MAD1L1: variants seen among roughly 807,000 people sequenced by gnomAD.
MAD1L1 encodes mitotic spindle assembly checkpoint protein MAD1.
In MAD1L1, 95 loss-of-function variants were observed where a neutral mutation model predicts 96.9. That is an observed-to-expected ratio of 0.98 (90% CI 0.83 to 1.16). The LOEUF is 1.16. Among genes scored for constraint, MAD1L1 ranks in the 50% most tolerant of loss-of-function variants. MAD1L1 has a pLI of 0.00. For missense variants in MAD1L1, 1,007 were observed against 954.4 expected (o/e 1.06, Z -0.73); for synonymous variants, 473 against 396.6 (o/e 1.19, Z -2.29).
intron 15 of MAD1L1, among the ~76,000 whole-genome samples, chr7:1,969,595 C>G (rs1030685908): frequency 6.6e-6 from 1 of 152,192 alleles, no homozygotes; most frequent in Non-Finnish European, 1.5e-5. Flanking sequence ...TCTCTCTTTG[C>G]AGATGCCAGG....
At chr7:2,067,623 AACCACCGCAGTGGTCAGCCCG>A (rs1784939215) in intron 12 of MAD1L1, among the ~76,000 whole-genome samples, 2 of 142,076 alleles carry the variant, frequency 1.4e-5, no homozygotes, top group African/African-American at 6.2e-5. Context: ...GGTCAGCCCG[AACCACCGCAGTGGTCAGCCCG>A]CGTGCTGTGG....
intron 18 of MAD1L1, among the ~76,000 whole-genome samples, chr7:1,839,283 G>T (rs532695886): frequency 6.6e-5 from 10 of 152,020 alleles, no homozygotes; most frequent in Non-Finnish European, 1.2e-4. Flanking sequence ...CCCCACCCAG[G>T]ACAGACACTC....
At chr7:2,084,200 T>A (rs1016594179) in intron 11 of MAD1L1, among the ~76,000 whole-genome samples, 2 of 152,200 alleles carry the variant, frequency 1.3e-5, no homozygotes, top group Non-Finnish European at 2.9e-5. Flanking sequence ...ACAATGGAAG[T>A]TTCTGCGTAT....
intron 10 of MAD1L1, among the ~76,000 whole-genome samples, chr7:2,209,507 C>A (rs1792784885): frequency 6.6e-6 from 1 of 152,214 alleles, no homozygotes. Context: ...TGAAGGCAGT[C>A]AGGAACAGTG....
At chr7:1,904,235 C>G (rs1787470431) in intron 17 of MAD1L1, among the ~76,000 whole-genome samples, 1 of 147,442 alleles carries the variant, frequency 6.8e-6, no homozygotes, top group South Asian at 2.1e-4. Flanking sequence ...TGAAGAAGCT[C>G]TTGCGGAACT....
intron 18 of MAD1L1, chr7:1,817,311 A>AC (rs982534039): frequency 1.3e-5 from 2 of 152,064 alleles, no homozygotes; most frequent in African/African-American, 4.8e-5. Context: ...TGGGCCCAGC[A>AC]CCCGCCCGGG....
intron 12 of MAD1L1, among the ~76,000 whole-genome samples, chr7:2,043,846 G>A (rs1783801991): frequency 6.6e-6 from 1 of 152,256 alleles, no homozygotes; most frequent in Non-Finnish European, 1.5e-5. Context: ...TGGGCCCAGG[G>A]CTACTGAACA....
At chr7:2,164,484 G>A (rs1790322857) in intron 10 of MAD1L1, among the ~76,000 whole-genome samples, 1 of 151,838 alleles carries the variant, frequency 6.6e-6, no homozygotes, top group Admixed American at 6.6e-5. Context: ...CATCGCCCGA[G>A]CAGGGGCAGA....
intron 18 of MAD1L1, among the ~76,000 whole-genome samples, chr7:1,851,075 A>G (rs1783948171): frequency 6.6e-6 from 1 of 152,174 alleles, no homozygotes; most frequent in Admixed American, 6.5e-5. Context: ...GGAGGGCAGG[A>G]AGTAAGCCCA....
At chr7:1,863,365 C>T (rs1438314476) in intron 18 of MAD1L1, among the ~76,000 whole-genome samples, 1 of 152,238 alleles carries the variant, frequency 6.6e-6, no homozygotes, top group Admixed American at 6.5e-5. Context: ...AAGGCAGCTA[C>T]CGGCAGGCCC....
At chr7:1,928,384 C>G (rs1359364688) in intron 17 of MAD1L1, among the ~76,000 whole-genome samples, 1 of 150,314 alleles carries the variant, frequency 6.7e-6, no homozygotes, top group Non-Finnish European at 1.5e-5. Flanking sequence ...CACCACCCAC[C>G]AGTCCCTAGA....
Position 1,987,516 on chromosome 7 carries a change from A to G in MAD1L1, c.1417-6975T>C, listed in dbSNP as rs139142887. 5.4e-3 allele frequency among the ~76,000 whole-genome samples: 822 copies of G among 151,886 alleles called. 13 individuals carry two copies. The highest frequency in any genetic ancestry group is 0.019 in the African/African-American group (786 of 41,440). On this transcript the variant is annotated intron_variant, in intron 14 of 18. Transcript: ENST00000265854. Reference sequence around the variant, plus strand: ...CCGGAGTCTGCTCTGCTGTCCGCCAATTTGAGAAGCCGTGTAGACATATCA... The same window carrying G: ...CCGGAGTCTGCTCTGCTGTCCGCCAGTTTGAGAAGCCGTGTAGACATATCA...
At chr7:2,220,820 A>G in intron 5 of MAD1L1, 1 of 1,468,206 alleles carries the variant, frequency 6.8e-7, no homozygotes. Context: ...GAAGAAAGGT[A>G]TTAAAAACAT....
chr7:2,061,723 A>G (rs2128523969), intron 12 of MAD1L1, among the ~76,000 whole-genome samples: 1 of 152,406 alleles, frequency 6.6e-6, no homozygotes, highest in Admixed American at 6.5e-5. Flanking sequence ...CGTCCACGTC[A>G]GCAAGAGTCA....
chr7:1,816,681 G>A (rs921952141), intron 18 of MAD1L1, among the ~76,000 whole-genome samples: 1 of 152,066 alleles, frequency 6.6e-6, no homozygotes. Context: ...GGCCCAGGGG[G>A]AGTCTGGCTC....
chr7:2,076,262 CA>C (rs1785369471), intron 11 of MAD1L1, among the ~76,000 whole-genome samples: 1 of 152,218 alleles, frequency 6.6e-6, no homozygotes, highest in Non-Finnish European at 1.5e-5. Context: ...CCCAGATCCC[CA>C]ATGTGATGGT....
At chr7:1,824,550 C>T (rs2128622293) in intron 18 of MAD1L1, among the ~76,000 whole-genome samples, 1 of 152,280 alleles carries the variant, frequency 6.6e-6, no homozygotes, top group Middle Eastern at 3.4e-3. Flanking sequence ...GTGAGCTGCT[C>T]CCGGCCTTGT....
At chr7:1,894,091 G>A (rs1786719103) in intron 18 of MAD1L1, among the ~76,000 whole-genome samples, 1 of 152,216 alleles carries the variant, frequency 6.6e-6, no homozygotes, top group South Asian at 2.1e-4. Context: ...CAGTACAAGT[G>A]CCTCTCCTGT....
At chr7:1,884,433 C>T (rs906846934) in intron 18 of MAD1L1, among the ~76,000 whole-genome samples, 1 of 152,200 alleles carries the variant, frequency 6.6e-6, no homozygotes, top group African/African-American at 2.4e-5. Context: ...TGGCTGAGTT[C>T]CAGGCCTCAA....
Sources: gnomAD v4.1 joint callset for allele counts (sites outside exome capture counted in the v4.1 genomes callset) on GRCh38, gnomAD v4.1.1 for gene constraint, MANE v1.5 for transcripts, NCBI Gene and HGNC (gene_info 2026-07-23, HGNC 2026-07-21) for gene names.